DEFB116: variants seen among roughly 807,000 people sequenced by gnomAD.
The protein encoded by DEFB116 is defensin beta 116.
In DEFB116, 5 loss-of-function variants were observed where a neutral mutation model predicts 2.8. The observed-to-expected ratio is 1.80, with a 90% CI of 0.94 to 3.79. The LOEUF (loss-of-function observed/expected upper bound fraction) is 3.79. Ranked by LOEUF, DEFB116 falls within the 30% of genes most tolerant of loss-of-function variation. The pLI, the probability that DEFB116 is intolerant of heterozygous loss-of-function variation, is 0.00. For synonymous variants in DEFB116, 56 were observed against 40.8 expected (o/e 1.37, Z -1.42); for missense variants, 170 against 118.0 (o/e 1.44, Z -2.04).
chr20:31,307,086 G>C (rs1383026051), intron 1 of DEFB116, among the ~76,000 whole-genome samples: 2 of 152,070 alleles, frequency 1.3e-5, no homozygotes, highest in Admixed American at 1.3e-4. Flanking sequence ...GATGAGTTTG[G>C]AGATAAGCAT....
rs1984955398 is a variant in DEFB116 at position 31,304,764 on chromosome 20, A to G, written c.68-1311T>C. Among the ~76,000 whole-genome samples the G allele has an allele frequency of 2.0e-5, 3 of 151,762 alleles. No homozygotes were observed. The South Asian group carries it at 6.2e-4, about 31-fold the overall frequency. On this transcript the variant is annotated intron_variant, in intron 1 of 1. Coordinates refer to ENST00000400549, the MANE Select transcript of DEFB116 (RefSeq NM_001037731.1). ...CCTCATTCCACACCCATTTATGAAC[A>G]CTCTGTGTCAGGCCATGGACTCAGT...
In DEFB116 at chr20:31,303,290, A is replaced by G. The variant is rs1260691356; in HGVS notation, c.231T>C (p.Ser77=). 1.2e-6 allele frequency: 2 copies of G among 1,613,582 alleles called. No homozygotes were observed. Among genetic ancestry groups the G allele is most frequent in the Non-Finnish European group, 1.7e-6 (2 of 1,179,588 alleles). Residue 77 remains serine, a synonymous_variant, in exon 2 of 2, where the codon AGT becomes AGC. Transcript: ENST00000400549. ...CCLKLSVKIT[S]SKNVKEDYDS... The stretch of plus-strand genomic sequence containing the variant: ...CGTAATCCTCCTTCACATTTTTAGA[A>G]CTGGTTATTTTCACAGAAAGTTTCA...
intron 1 of DEFB116, among the ~76,000 whole-genome samples, chr20:31,307,531 C>CAACA (rs1985019445): frequency 6.6e-6 from 1 of 151,990 alleles, no homozygotes; most frequent in African/African-American, 2.4e-5. Context: ...GATATGACAC[C>CAACA]AAAGCACAGG....
intron 1 of DEFB116, 152 bp downstream of exon 1, chr20:31,308,367 A>G: frequency 1.4e-6 from 1 of 691,802 alleles, no homozygotes; most frequent in East Asian, 2.7e-5. Context: ...TTTACATGAA[A>G]TTAACCTTGG....
chr20:31,308,438 G>T, intron 1 of DEFB116, 81 bp downstream of exon 1: 1 of 1,394,602 alleles, frequency 7.2e-7, no homozygotes, highest in Non-Finnish European at 1.0e-6. Context: ...CACTATATGT[G>T]AGTAGGAGTC....
At chr20:31,304,457 A>G (rs998579897) in intron 1 of DEFB116, among the ~76,000 whole-genome samples, 5 of 152,122 alleles carry the variant, frequency 3.3e-5, no homozygotes, top group African/African-American at 1.2e-4. Context: ...ACCTGCTGTT[A>G]TCTTCACTCT....
At chr20:31,305,542 T>A (rs1207513670) in intron 1 of DEFB116, among the ~76,000 whole-genome samples, 2 of 152,168 alleles carry the variant, frequency 1.3e-5, no homozygotes, top group African/African-American at 2.4e-5. Context: ...CTACAGCTTT[T>A]CTAACCTTAG....
rs182861268 is a variant in DEFB116, at chr20:31,303,991, A to T, written c.68-538T>A. On this transcript the variant is annotated intron_variant, in intron 1 of 1. Coordinates refer to ENST00000400549, the MANE Select transcript of DEFB116 (RefSeq NM_001037731.1). ...AACATAGGAGCAAACAAGTACTACA[A>T]CTGTCTCTCTTTGTACATTGGCCTT... Among the ~76,000 whole-genome samples the T allele has an allele frequency of 3.7e-3, 568 of 152,216 alleles. 3 individuals carry two copies. The highest frequency in any genetic ancestry group is 0.013 in the African/African-American group (540 of 41,548).
chr20:31,306,513 T>C (rs1400806671), intron 1 of DEFB116, among the ~76,000 whole-genome samples: 1 of 152,142 alleles, frequency 6.6e-6, no homozygotes, highest in African/African-American at 2.4e-5. Context: ...TTTTTGTTGT[T>C]GTTTGTGTTT....
chr20:31,308,480 A>G (rs1985046487), intron 1 of DEFB116, 39 bp downstream of exon 1: 1 of 1,608,018 alleles, frequency 6.2e-7, no homozygotes, highest in Non-Finnish European at 8.5e-7. Context: ...CCAGTACCAC[A>G]TGCAAGACGC....
intron 1 of DEFB116, 46 bp downstream of exon 1, chr20:31,308,473 G>C: frequency 6.3e-7 from 1 of 1,598,064 alleles, no homozygotes; most frequent in African/African-American, 1.3e-5. Flanking sequence ...CAAGATACCA[G>C]TACCACATGC....
At chr20:31,303,594 G>C in intron 1 of DEFB116, 141 bp from the exon 2 acceptor site, 1 of 1,224,210 alleles carries the variant, frequency 8.2e-7, no homozygotes, top group Non-Finnish European at 1.1e-6. Context: ...TCTGGGCTCT[G>C]CCATTTACCA....
rs1984929105 is a variant in DEFB116, at chr20:31,303,441, C to A, written c.80G>T (p.Arg27Ile). The A allele has an allele frequency of 6.2e-7, 1 of 1,613,168 alleles. No individual in the cohort carries two copies. Among genetic ancestry groups the A allele is most frequent in the Non-Finnish European group, 8.5e-7 (1 of 1,179,520 alleles). ...CTCTCGGCTCTTGCCATTGTGGGAT[C>A]TGAACAGGCCACCTGGGAAAGACAT... ...LAQKTPGGLF[R>I]SHNGKSREPW... The change falls in exon 2 of 2, where the codon AGA (arginine) becomes ATA (isoleucine). Residue 27 changes from arginine to isoleucine, a missense_variant. Physicochemically the swap from Arg to Ile is moderately conservative, Grantham distance 97. Coordinates refer to ENST00000400549, the MANE Select transcript of DEFB116 (RefSeq NM_001037731.1).
chr20:31,306,637 G>A lies in DEFB116; in HGVS notation c.67+1882C>T, dbSNP rs146918452. Reference sequence around the variant, plus strand: ...AATAAAAGAAGCTGAGAAATAAGGAGGCATGAGAATGTGAAATAGAAGGAA... The same window carrying A: ...AATAAAAGAAGCTGAGAAATAAGGAAGCATGAGAATGTGAAATAGAAGGAA... On this transcript the variant is annotated intron_variant, in intron 1 of 1. Transcript: ENST00000400549. Among the ~76,000 whole-genome samples the A allele has an allele frequency of 2.2e-3, 337 of 152,008 alleles. 2 individuals are homozygous for A. The highest frequency in any genetic ancestry group is 0.02 in the East Asian group (104 of 5,168).
At chr20:31,308,438 GAGT>G in intron 1 of DEFB116, 78 bp downstream of exon 1, 1 of 1,394,604 alleles carries the variant, frequency 7.2e-7, no homozygotes, top group Non-Finnish European at 1.0e-6. Context: ...CACTATATGT[GAGT>G]AGGAGTCACT....
rs118047004 is a variant in DEFB116, at chr20:31,306,377, A to G, written c.67+2142T>C. Among the ~76,000 whole-genome samples the G allele has an allele frequency of 4.9e-4, 74 of 152,272 alleles. 1 individual carries two copies. Among genetic ancestry groups the G allele is most frequent in the Non-Finnish European group, 8.7e-4 (59 of 68,002 alleles). ...AGGATAAAAGGAAAAATTTGTTTGG[A>G]TTGTCCTAATAGAAAATGTTGTCCA... On this transcript the variant is annotated intron_variant, in intron 1 of 1. Coordinates refer to ENST00000400549, the MANE Select transcript of DEFB116 (RefSeq NM_001037731.1).
At chr20:31,308,336 A>C (rs149425197) in intron 1 of DEFB116, among the ~76,000 whole-genome samples, 183 bp downstream of exon 1, 20 of 152,276 alleles carry the variant, frequency 1.3e-4, no homozygotes, top group African/African-American at 4.8e-4. Context: ...TTGTCTTGGC[A>C]GAGCAGAACC....
chr20:31,305,566 G>A (rs1452821189), intron 1 of DEFB116, among the ~76,000 whole-genome samples: 1 of 151,970 alleles, frequency 6.6e-6, no homozygotes, highest in Non-Finnish European at 1.5e-5. Context: ...GCCCTGCATT[G>A]CCCCAAATTT....
At position 31,303,453 on chromosome 20, in the gene DEFB116, C is replaced by T; in HGVS notation, c.68G>A (p.Gly23Asp). The T allele has an allele frequency of 1.9e-6, 3 of 1,612,868 alleles. No homozygotes were observed. Among genetic ancestry groups the T allele is most frequent in the Non-Finnish European group, 2.5e-6 (3 of 1,179,368 alleles). ...ILMILAQKTP[G>D]GLFRSHNGKS... The stretch of plus-strand genomic sequence containing the variant: ...GCCATTGTGGGATCTGAACAGGCCA[C>T]CTGGGAAAGACATGGCCATGTTTAG... Residue 23 changes from glycine (G) to aspartate (D), a missense_variant and splice_region_variant, in exon 2 of 2, where the codon GGT (glycine) becomes GAT (aspartate). Coordinates refer to ENST00000400549, the MANE Select transcript of DEFB116 (RefSeq NM_001037731.1).
Sources: gnomAD v4.1 joint callset for allele counts (sites outside exome capture counted in the v4.1 genomes callset) on GRCh38, gnomAD v4.1.1 for gene constraint, MANE v1.5 for transcripts, NCBI Gene and HGNC (gene_info 2026-07-23, HGNC 2026-07-21) for gene names.